Variants in ZFYVE9 observed in about 807,000 individuals in gnomAD.
ZFYVE9 encodes the protein zinc finger FYVE domain-containing protein 9.
Under a neutral mutation model 126.7 loss-of-function variants are expected in ZFYVE9, and 43 were observed. The observed-to-expected ratio is 0.34, with a 90% CI of 0.27 to 0.44. The LOEUF is 0.44. ZFYVE9 is among the 20% of genes least tolerant of loss of function. The probability of loss-of-function intolerance (pLI) is 1.00; values close to 1 mark genes in which losing one functional copy is unlikely to be tolerated. For synonymous variants in ZFYVE9, 521 were observed against 597.4 expected (o/e 0.87, Z 1.87); for missense variants, 1,476 against 1,697.0 (o/e 0.87, Z 2.29).
intron 4 of ZFYVE9, among the ~76,000 whole-genome samples, chr1:52,255,981 T>TTTCCTTCCTTCCTTCCTTCCTTCCTTCC (rs772190432): frequency 8.6e-6 from 1 of 115,646 alleles, no homozygotes; most frequent in African/African-American, 3.7e-5. Flanking sequence ...TCTTTCTTTC[T>TTTCCTTCCTTCCTTCCTTCCTTCCTTCC]TTCCTTCCTT....
chr1:52,190,779 A>G (rs1174692601), intron 1 of ZFYVE9, among the ~76,000 whole-genome samples: 1 of 152,222 alleles, frequency 6.6e-6, no homozygotes, highest in African/African-American at 2.4e-5. Flanking sequence ...TATTGAGATT[A>G]AAGGGTAGAA....
intron 1 of ZFYVE9, among the ~76,000 whole-genome samples, chr1:52,187,350 A>G (rs1644774127): frequency 6.6e-6 from 1 of 152,238 alleles, no homozygotes; most frequent in Non-Finnish European, 1.5e-5. Context: ...GTAAAACCCA[A>G]AAGTATAAAA....
At chr1:52,320,095 A>G (rs1198089762) in intron 13 of ZFYVE9, among the ~76,000 whole-genome samples, 1 of 147,176 alleles carries the variant, frequency 6.8e-6, no homozygotes, top group East Asian at 2.0e-4. Flanking sequence ...TTTTTGACAG[A>G]GGTTCGCTCT....
chr1:52,186,422 C>T (rs779856917), intron 1 of ZFYVE9, among the ~76,000 whole-genome samples: 3 of 152,054 alleles, frequency 2.0e-5, no homozygotes, highest in Non-Finnish European at 4.4e-5. Flanking sequence ...GACAAGGATG[C>T]CCTTTTTCAC....
chr1:52,326,718 C>CTGGACA (rs1288568035), intron 13 of ZFYVE9, among the ~76,000 whole-genome samples: 1 of 131,762 alleles, frequency 7.6e-6, no homozygotes, highest in African/African-American at 2.9e-5. Context: ...AAAAAAATAG[C>CTGGACA]TGGACATGGT....
rs56340178 is a variant in ZFYVE9 at position 52,219,749 on chromosome 1, TTGTGTGTGTG to T, written c.-37+3320_-37+3329del. Among the ~76,000 whole-genome samples the T allele has an allele frequency of 7.6e-3, 862 of 113,340 alleles. 3 individuals carry two copies. The highest frequency in any genetic ancestry group is 9.3e-3 in the African/African-American group (269 of 29,036). The allele number at this position is 113,340 out of a possible 152,430, so 74.4% of individuals were successfully genotyped here. The stretch of plus-strand genomic sequence containing the variant: ...ATAGAGCATTTCAGGCCAAGATCTT[TTGTGTGTGTG>T]TGTGTGTGTGTGTGTGTGTGTGTGT... On this transcript the variant is annotated intron_variant, in intron 2 of 18. Transcript: ENST00000287727.
chr1:52,254,072 C>T (rs553520830), intron 4 of ZFYVE9: 1 of 770,140 alleles, frequency 1.3e-6, no homozygotes, highest in African/African-American at 1.7e-5. Context: ...GGAAAAGACA[C>T]CCACCCATAT....
intron 11 of ZFYVE9, 134 bp downstream of exon 11, chr1:52,293,811 T>C: frequency 1.3e-6 from 1 of 799,276 alleles, no homozygotes; most frequent in Non-Finnish European, 2.0e-6. Flanking sequence ...GGCCAGTGTC[T>C]GCGTGTATTG....
rs1160289724 is a variant in ZFYVE9 at position 52,238,120 on chromosome 1, G to A, written c.703G>A (p.Asp235Asn). The A allele has an allele frequency of 5.6e-6, 9 of 1,614,006 alleles. No individual in the cohort carries two copies. The highest frequency in any genetic ancestry group is 7.6e-6 in the Non-Finnish European group (9 of 1,179,996). Residue 235 changes from aspartate (D) to asparagine (N), a missense_variant, in exon 4 of 19, where the codon GAT becomes AAT. Around this residue, in one of 2 missense-constraint regions of ZFYVE9, gnomAD observed 807 missense variants for 794.6 expected, o/e 1.02. Coordinates refer to ENST00000287727, the MANE Select transcript of ZFYVE9 (RefSeq NM_004799.4). ...TAACCATCTGTGTCCTACTTCATCT[G>A]ATAGTCTAGCCAGTGTCTGTTCCCC... ...SVNHLCPTSS[D>N]SLASVCSPSQ... is the part of the protein sequence containing the mutation.
At chr1:52,159,634 G>A (rs1644437433) in intron 1 of ZFYVE9, among the ~76,000 whole-genome samples, 1 of 152,178 alleles carries the variant, frequency 6.6e-6, no homozygotes, top group African/African-American at 2.4e-5. Flanking sequence ...CTTGAAAGCT[G>A]GGCATCCTGA....
chr1:52,178,193 G>A (rs1644658156), intron 1 of ZFYVE9, among the ~76,000 whole-genome samples: 1 of 149,238 alleles, frequency 6.7e-6, no homozygotes, highest in South Asian at 2.1e-4. Context: ...GCAGGAGAAT[G>A]GCATGAACCT....
chr1:52,170,751 T>C (rs1184051617), intron 1 of ZFYVE9, among the ~76,000 whole-genome samples: 1 of 152,136 alleles, frequency 6.6e-6, no homozygotes, highest in Non-Finnish European at 1.5e-5. Flanking sequence ...TTAATTTCCA[T>C]GTGTTTGTAT....
chr1:52,274,689 C>T, intron 8 of ZFYVE9, 105 bp downstream of exon 8: 18 of 1,268,374 alleles, frequency 1.4e-5, no homozygotes, highest in Non-Finnish European at 1.9e-5. Context: ...TTTCTCTTAT[C>T]CAACAAAACA....
In ZFYVE9 at chr1:52,237,764, T is replaced by C. The variant is rs141749720; in HGVS notation, c.347T>C (p.Ile116Thr). 1 of 1,614,122 alleles carries C rather than the reference T, an allele frequency of 6.2e-7. No individual in the cohort carries two copies. Among genetic ancestry groups the C allele is most frequent in the East Asian group, 2.2e-5 (1 of 44,886 alleles). Residue 116 changes from isoleucine (I) to threonine (T), a missense_variant, in exon 4 of 19, where the codon ATT becomes ACT. By Grantham distance (89) the Ile-to-Thr change is moderately conservative (BLOSUM62 -1). Coordinates refer to ENST00000287727, the MANE Select transcript of ZFYVE9 (RefSeq NM_004799.4). Reference sequence around the variant, plus strand: ...AATGCTGTTGCAGAAGACCAGTTAATTAAGAGAAACTATAGTTGGGATGAT... The same window carrying C: ...AATGCTGTTGCAGAAGACCAGTTAACTAAGAGAAACTATAGTTGGGATGAT... Reference protein sequence around the residue: ...DENAVAEDQLIKRNYSWDDQC... With the variant: ...DENAVAEDQLTKRNYSWDDQC...
At chr1:52,300,318 G>A (rs778471834) in intron 12 of ZFYVE9, among the ~76,000 whole-genome samples, 6 of 152,148 alleles carry the variant, frequency 3.9e-5, no homozygotes, top group Non-Finnish European at 5.9e-5. Flanking sequence ...TTGGCTGGGC[G>A]TAGTGGCTCA....
Position 52,157,394 on chromosome 1 carries a change from C to CTTTTTTTTTTTTT in ZFYVE9, c.-143+15003_-143+15015dup, listed in dbSNP as rs71579908. On this transcript the variant is annotated intron_variant, in intron 1 of 18. Coordinates refer to ENST00000287727, the MANE Select transcript of ZFYVE9 (RefSeq NM_004799.4). ...TTTTTTCCTTATGGCACCATATTCT[C>CTTTTTTTTTTTTT]TTTTTTTTTTTTTTTTTTTTTTTTG... is the stretch of plus-strand genomic sequence containing the variant. Among the ~76,000 whole-genome samples, 12 of 58,462 alleles carry CTTTTTTTTTTTTT rather than the reference C, an allele frequency of 2.1e-4. 3 individuals are homozygous for CTTTTTTTTTTTTT. Among genetic ancestry groups the CTTTTTTTTTTTTT allele is most frequent in the Admixed American group, 9.9e-4 (3 of 3,024 alleles). The allele number at this position is 58,462 out of a possible 152,430, so 38.4% of individuals were successfully genotyped here.
At chr1:52,168,509 G>A (rs1337063941) in intron 1 of ZFYVE9, among the ~76,000 whole-genome samples, 2 of 149,574 alleles carry the variant, frequency 1.3e-5, no homozygotes, top group African/African-American at 2.5e-5. Flanking sequence ...GAGCCACTGT[G>A]CTTGGCCTTT....
intron 2 of ZFYVE9, among the ~76,000 whole-genome samples, chr1:52,230,858 C>A (rs1028622722): frequency 3.3e-5 from 5 of 152,154 alleles, no homozygotes; most frequent in African/African-American, 1.2e-4. Context: ...GTCTCCTGTG[C>A]TGTTATTAAA....
chr1:52,336,212 A>C (rs1313097225), intron 15 of ZFYVE9, among the ~76,000 whole-genome samples: 1 of 152,046 alleles, frequency 6.6e-6, no homozygotes, highest in African/African-American at 2.4e-5. Context: ...ACATATATTT[A>C]TAGATACTAG....
Sources: gnomAD v4.1 joint callset for allele counts (sites outside exome capture counted in the v4.1 genomes callset) on GRCh38, gnomAD v4.1.1 for gene constraint, gnomAD v4.1.1 regional missense constraint, MANE v1.5 for transcripts, NCBI Gene and HGNC (gene_info 2026-07-23, HGNC 2026-07-21) for gene names.